The following WFDC9 variants were observed in gnomAD, a reference collection of about 807,000 sequenced individuals.
WFDC9 encodes protein WFDC9.
A neutral mutation model predicts 9.5 loss-of-function variants in WFDC9; 9 were observed. The ratio of observed to expected loss-of-function variants is 0.95; its 90% CI spans 0.57 to 1.65. The LOEUF is 1.65. Among genes scored for constraint, WFDC9 ranks in the 40% most tolerant of loss-of-function variants. WFDC9 has a pLI of 0.00. For missense variants in WFDC9, 87 were observed against 106.7 expected, an observed-to-expected ratio of 0.82 and a Z score of 0.81; for synonymous variants, 33 against 32.3, an observed-to-expected ratio of 1.02 and a Z score of -0.07.
intron 2 of WFDC9, among the ~76,000 whole-genome samples, chr20:45,613,576 T>TG (rs1418227918): frequency 1.3e-5 from 2 of 152,222 alleles, no homozygotes; most frequent in African/African-American, 4.8e-5. Flanking sequence ...CATCAAGTCA[T>TG]GCTTAGGTAA....
chr20:45,630,018 AC>A, intron 1 of WFDC9: 1 of 1,424,908 alleles, frequency 7.0e-7, no homozygotes, highest in Non-Finnish European at 9.5e-7. Context: ...TCCAGCTCTG[AC>A]CACAATGTTG....
At position 45,608,807 on chromosome 20, in the gene WFDC9, A is replaced by G. The variant is rs1981789214; in HGVS notation, c.95T>C (p.Leu32Pro). ...CTGCTCAGTTTCTCTTATCATATCT[A>G]GAACTGAGATGGAAGAAGTTAGCAG... ...LGSFWNKDPFLDMIRETEQCW... is the reference protein window; with the variant it reads ...LGSFWNKDPFPDMIRETEQCW... Residue 32 changes from leucine to proline, a missense_variant, in exon 4 of 5, where the codon CTA (leucine) becomes CCA (proline). By Grantham distance (98) the Leu-to-Pro change is moderately conservative. Coordinates refer to ENST00000326000, the MANE Select transcript of WFDC9 (RefSeq NM_147198.4). The G allele has an allele frequency of 1.2e-6, 2 of 1,609,652 alleles. No individual in the cohort carries two copies. The highest frequency in any genetic ancestry group is 2.2e-5 in the South Asian group (2 of 90,142).
intron 1 of WFDC9, chr20:45,629,910 T>C: frequency 6.2e-7 from 1 of 1,612,562 alleles, no homozygotes; most frequent in Middle Eastern, 1.8e-4. Context: ...GCAGAGTAGG[T>C]GATGGGCTGC....
chr20:45,630,780 C>T lies in WFDC9; in HGVS notation c.-153+423G>A. 6 of 1,382,822 alleles carry T rather than the reference C, an allele frequency of 4.3e-6. No individual in the cohort carries two copies. In the South Asian group the frequency reaches 9.6e-5, roughly 22 times the overall value. 85.7% of individuals were successfully genotyped at this position (1,382,822 alleles called of 1,614,324 possible). On this transcript the variant is annotated intron_variant, in intron 1 of 4. Transcript: ENST00000326000. ...AATCCAGGAGTATCATGACTGAGAC[C>T]TGGGTTCAAGGGTCTTGGAGGAGGC...
intron 1 of WFDC9, among the ~76,000 whole-genome samples, chr20:45,620,339 A>G (rs2145599514): frequency 6.6e-6 from 1 of 152,242 alleles, no homozygotes; most frequent in African/African-American, 2.4e-5. Flanking sequence ...GATGGCTCAC[A>G]CCAGCACTTT....
chr20:45,631,049 C>T, intron 1 of WFDC9, 154 bp downstream of exon 1: 2 of 1,563,238 alleles, frequency 1.3e-6, no homozygotes, highest in South Asian at 1.2e-5. Flanking sequence ...GTGCATCCTG[C>T]TTCCCAACTC....
chr20:45,624,824 T>C (rs1600923336), intron 1 of WFDC9, among the ~76,000 whole-genome samples: 1 of 152,334 alleles, frequency 6.6e-6, no homozygotes, highest in Non-Finnish European at 1.5e-5. Flanking sequence ...CGATGATTAG[T>C]GATGTTGAGA....
intron 1 of WFDC9, among the ~76,000 whole-genome samples, chr20:45,623,031 G>A (rs868674233): frequency 1.3e-5 from 2 of 152,192 alleles, no homozygotes; most frequent in African/African-American, 2.4e-5. Flanking sequence ...AATGGCTCAG[G>A]AGTGAGGGGG....
At chr20:45,629,986 G>A (rs1260120759) in intron 1 of WFDC9, 8 of 1,549,122 alleles carry the variant, frequency 5.2e-6, no homozygotes, top group Admixed American at 1.9e-5. Flanking sequence ...GTAGGACCTA[G>A]GAGTTGGAAA....
At chr20:45,611,845 C>T (rs931763154) in intron 2 of WFDC9, among the ~76,000 whole-genome samples, 2 of 152,144 alleles carry the variant, frequency 1.3e-5, no homozygotes, top group Non-Finnish European at 2.9e-5. Context: ...GTCCCTCCAC[C>T]CCTTGTTCTA....
intron 1 of WFDC9, among the ~76,000 whole-genome samples, chr20:45,627,173 G>T (rs1982237710): frequency 6.6e-6 from 1 of 152,140 alleles, no homozygotes; most frequent in Non-Finnish European, 1.5e-5. Flanking sequence ...AATCCCACTT[G>T]ATCATGCCAC....
chr20:45,628,140 G>A (rs1212632352), intron 1 of WFDC9, among the ~76,000 whole-genome samples: 1 of 152,158 alleles, frequency 6.6e-6, no homozygotes, highest in Non-Finnish European at 1.5e-5. Context: ...TGACTAGACT[G>A]CTTTAACAGA....
At chr20:45,626,847 T>TCATGGAGGGG (rs1982229096) in intron 1 of WFDC9, among the ~76,000 whole-genome samples, 1 of 152,230 alleles carries the variant, frequency 6.6e-6, no homozygotes, top group Non-Finnish European at 1.5e-5. Context: ...AGCAGCATGC[T>TCATGGAGGGG]CATGGAGGGG....
At chr20:45,631,063 T>C in intron 1 of WFDC9, 140 bp downstream of exon 1, 1 of 1,514,452 alleles carries the variant, frequency 6.6e-7, no homozygotes, top group Non-Finnish European at 8.8e-7. Context: ...CCAACTCCTC[T>C]ATCCAAGACT....
At chr20:45,630,882 C>A (rs984880191) in intron 1 of WFDC9, 1 of 1,601,484 alleles carries the variant, frequency 6.2e-7, no homozygotes, top group Non-Finnish European at 8.5e-7. Flanking sequence ...ACACAGCTAT[C>A]CCCAGAAATC....
At chr20:45,631,008 G>A (rs750475683) in intron 1 of WFDC9, 195 bp downstream of exon 1, 3 of 1,599,746 alleles carry the variant, frequency 1.9e-6, no homozygotes, top group Non-Finnish European at 2.6e-6. Context: ...GTTTGCATGA[G>A]CATCCTGTGA....
At chr20:45,629,083 T>G (rs894980296) in intron 1 of WFDC9, among the ~76,000 whole-genome samples, 1 of 152,176 alleles carries the variant, frequency 6.6e-6, no homozygotes, top group African/African-American at 2.4e-5. Flanking sequence ...TGCCCTACAA[T>G]AGTCTCTCTT....
chr20:45,620,200 A>G (rs760472984), intron 1 of WFDC9, among the ~76,000 whole-genome samples: 1 of 151,984 alleles, frequency 6.6e-6, no homozygotes, highest in Non-Finnish European at 1.5e-5. Context: ...TTTGGTATTG[A>G]TTTTCTATTT....
chr20:45,611,258 A>C (rs1981853786), intron 2 of WFDC9, among the ~76,000 whole-genome samples: 1 of 152,112 alleles, frequency 6.6e-6, no homozygotes, highest in African/African-American at 2.4e-5. Context: ...TGGGTGGAGG[A>C]ATAGAATTAC....
Sources: gnomAD v4.1 joint callset for allele counts (sites outside exome capture counted in the v4.1 genomes callset) on GRCh38, gnomAD v4.1.1 for gene constraint, MANE v1.5 for transcripts, NCBI Gene and HGNC (gene_info 2026-07-23, HGNC 2026-07-21) for gene names.